Variants in LSAMP observed in about 807,000 individuals in gnomAD.
The protein encoded by LSAMP is limbic system-associated membrane protein.
A neutral mutation model predicts 38.6 loss-of-function variants in LSAMP; 7 were observed. That is an observed-to-expected ratio of 0.18 (90% CI 0.10 to 0.34). The LOEUF (loss-of-function observed/expected upper bound fraction) is 0.34, where lower values mean the gene tolerates loss of function less well. LSAMP is among the 10% of genes least tolerant of loss of function. LSAMP has a pLI of 1.00. For synonymous variants in LSAMP, 154 were observed against 166.8 expected, an observed-to-expected ratio of 0.92 and a Z score of 0.59; for missense variants, 313 against 420.0, an observed-to-expected ratio of 0.75 and a Z score of 2.23.
chr3:116,173,726 A>AT (rs1231601013), intron 1 of LSAMP, among the ~76,000 whole-genome samples: 1 of 151,904 alleles, frequency 6.6e-6, no homozygotes, highest in Non-Finnish European at 1.5e-5. Flanking sequence ...GCGAGAGCAT[A>AT]TTTAACATTT....
At chr3:116,405,866 T>C (rs546785724) in intron 1 of LSAMP, among the ~76,000 whole-genome samples, 3 of 152,110 alleles carry the variant, frequency 2.0e-5, no homozygotes, top group East Asian at 1.9e-4. Context: ...GTGTGAACCA[T>C]AGTGGGAAGA....
intron 1 of LSAMP, among the ~76,000 whole-genome samples, chr3:116,317,614 C>A (rs913032046): frequency 9.2e-5 from 14 of 151,860 alleles, no homozygotes; most frequent in African/African-American, 3.4e-4. Context: ...CTTGGCCTCC[C>A]AAAGCGCTGG....
intron 1 of LSAMP, among the ~76,000 whole-genome samples, chr3:116,345,652 T>C (rs1310358947): frequency 6.6e-6 from 1 of 152,142 alleles, no homozygotes; most frequent in Admixed American, 6.6e-5. Flanking sequence ...TTCATAATAA[T>C]GTTATTTTTT....
At chr3:116,048,355 T>A (rs765916176) in intron 2 of LSAMP, among the ~76,000 whole-genome samples, 1 of 152,242 alleles carries the variant, frequency 6.6e-6, no homozygotes, top group African/African-American at 2.4e-5. Flanking sequence ...AAGGAAGGAA[T>A]ATTTTGTACA....
chr3:115,987,875 CA>C (rs1368987512), intron 3 of LSAMP, among the ~76,000 whole-genome samples: 1 of 152,162 alleles, frequency 6.6e-6, no homozygotes, highest in Non-Finnish European at 1.5e-5. Flanking sequence ...CCTATCATTT[CA>C]CAGCTAAAGT....
At chr3:116,111,989 G>A (rs1294597726) in intron 1 of LSAMP, among the ~76,000 whole-genome samples, 2 of 152,184 alleles carry the variant, frequency 1.3e-5, no homozygotes, top group Non-Finnish European at 1.5e-5. Flanking sequence ...GGTTTAGGTA[G>A]GTAGGACAGC....
intron 1 of LSAMP, among the ~76,000 whole-genome samples, chr3:116,417,965 T>C (rs2049073722): frequency 6.6e-6 from 1 of 152,288 alleles, no homozygotes; most frequent in East Asian, 1.9e-4. Flanking sequence ...GAGATAGAAG[T>C]TTGAGACTAA....
chr3:116,211,225 G>GCAAAAT (rs1163021943), intron 1 of LSAMP, among the ~76,000 whole-genome samples: 3 of 151,960 alleles, frequency 2.0e-5, no homozygotes, highest in African/African-American at 7.3e-5. Flanking sequence ...GTCAAAGGAT[G>GCAAAAT]CAAAATTGCA....
Position 115,818,790 on chromosome 3 carries a change from T to TTATATACATATATATATA in LSAMP, c.920-8377_920-8376insTATATATATATGTATATA, listed in dbSNP as rs1467152356. On this transcript the variant is annotated intron_variant, in intron 6 of 6. Transcript: ENST00000490035. ...ATAAGAAAGAAGGAAAGTTGTACTTTTATATATATATATATATATATATAT... is the reference window on the plus strand; with the variant it reads ...ATAAGAAAGAAGGAAAGTTGTACTTTTATATACATATATATATATATATATATATATATATATATATAT... Among the ~76,000 whole-genome samples the TTATATACATATATATATA allele has an allele frequency of 4.7e-4, 33 of 69,784 alleles. 1 individual carries two copies. The highest frequency in any genetic ancestry group is 1.4e-3 in the African/African-American group (32 of 22,902). 45.8% of individuals were successfully genotyped at this position (69,784 alleles called of 152,430 possible).
chr3:116,400,515 G>A (rs940164276), intron 1 of LSAMP, among the ~76,000 whole-genome samples: 2 of 138,068 alleles, frequency 1.4e-5, no homozygotes, highest in African/African-American at 2.7e-5. Flanking sequence ...TTTCCCTCTC[G>A]TCACCCAGGC....
At position 116,273,707 on chromosome 3, in the gene LSAMP, T is replaced by TATATATATATATATATATACAC. The variant is rs1307543165; in HGVS notation, c.155+171169_155+171170insGTGTATATATATATATATATAT. ...GCATATATATATATATATATATATA[T>TATATATATATATATATATACAC]ACACACACACACACACGTATATATG... On this transcript the variant is annotated intron_variant, in intron 1 of 6. Coordinates refer to ENST00000490035, the MANE Select transcript of LSAMP (RefSeq NM_002338.5). Among the ~76,000 whole-genome samples the TATATATATATATATATATACAC allele has an allele frequency of 7.2e-3, 734 of 102,298 alleles. 12 individuals are homozygous for TATATATATATATATATATACAC. Among genetic ancestry groups the TATATATATATATATATATACAC allele is most frequent in the Non-Finnish European group, 9.8e-3 (538 of 54,800 alleles). 67.1% of individuals were successfully genotyped at this position (102,298 alleles called of 152,430 possible).
At chr3:115,980,626 T>C (rs1449371507) in intron 3 of LSAMP, among the ~76,000 whole-genome samples, 3 of 152,168 alleles carry the variant, frequency 2.0e-5, no homozygotes, top group African/African-American at 4.8e-5. Flanking sequence ...TTGGAACACT[T>C]AGATACCTTG....
At chr3:115,968,909 G>T (rs1938916137) in intron 3 of LSAMP, among the ~76,000 whole-genome samples, 1 of 152,210 alleles carries the variant, frequency 6.6e-6, no homozygotes, top group African/African-American at 2.4e-5. Flanking sequence ...GGCTAGGACT[G>T]ACCTAAATGC....
intron 3 of LSAMP, among the ~76,000 whole-genome samples, chr3:115,869,166 C>A (rs1440052886): frequency 1.3e-5 from 2 of 152,004 alleles, no homozygotes; most frequent in African/African-American, 4.8e-5. Context: ...CATAGACCAA[C>A]TGACAATTGT....
chr3:116,125,487 A>C (rs1708988019), intron 1 of LSAMP, among the ~76,000 whole-genome samples: 2 of 149,246 alleles, frequency 1.3e-5, no homozygotes, highest in South Asian at 4.2e-4. Flanking sequence ...AGTATCCTTC[A>C]TTTATTCTCC....
intron 2 of LSAMP, among the ~76,000 whole-genome samples, chr3:116,028,370 C>T (rs1940842197): frequency 6.6e-6 from 1 of 152,076 alleles, no homozygotes; most frequent in Non-Finnish European, 1.5e-5. Context: ...GATTGAGAGC[C>T]AGGGGATTTG....
intron 1 of LSAMP, among the ~76,000 whole-genome samples, chr3:116,153,276 A>C (rs1709653419): frequency 6.6e-6 from 1 of 152,122 alleles, no homozygotes; most frequent in Non-Finnish European, 1.5e-5. Context: ...AACATCTGAG[A>C]AATGCAAGGG....
At chr3:116,113,907 G>A (rs1282516775) in intron 1 of LSAMP, among the ~76,000 whole-genome samples, 1 of 152,132 alleles carries the variant, frequency 6.6e-6, no homozygotes, top group Non-Finnish European at 1.5e-5. Context: ...AGAGCAATGA[G>A]GAGAGTCTCA....
At chr3:116,005,333 A>G (rs370718325) in intron 3 of LSAMP, among the ~76,000 whole-genome samples, 1 of 152,146 alleles carries the variant, frequency 6.6e-6, no homozygotes, top group East Asian at 1.9e-4. Flanking sequence ...TGAGGACTGT[A>G]TTTATGATCA....
Sources: allele counts gnomAD v4.1 joint callset (sites outside exome capture counted in the v4.1 genomes callset), GRCh38; gene constraint gnomAD v4.1.1; transcripts MANE v1.5; gene names NCBI Gene and HGNC (gene_info 2026-07-23, HGNC 2026-07-21).